Variants in SF3B3 observed in about 807,000 individuals in gnomAD.
The protein encoded by SF3B3 is SAP 130.
SF3B3 carries 33 observed loss-of-function variants against 139.2 expected under a neutral mutation model. The ratio of observed to expected loss-of-function variants is 0.24; its 90% CI spans 0.18 to 0.32. SF3B3 has a LOEUF of 0.32. Ranked by LOEUF, SF3B3 falls within the 10% of genes least tolerant of loss-of-function variation. The pLI is 1.00. For synonymous variants in SF3B3, 596 were observed against 563.6 expected (o/e 1.06, Z -0.81); for missense variants, 818 against 1,509.4 (o/e 0.54, Z 7.59).
At chr16:70,539,349 A>C (rs2050197333) in intron 8 of SF3B3, 142 bp downstream of exon 8, 1 of 651,604 alleles carries the variant, frequency 1.5e-6, no homozygotes, top group Non-Finnish European at 2.8e-6. Context: ...GGAGTTGGAG[A>C]CCAGCCTGGC....
chr16:70,534,362 G>A (rs982002710), intron 5 of SF3B3, among the ~76,000 whole-genome samples: 3 of 152,216 alleles, frequency 2.0e-5, no homozygotes, highest in African/African-American at 7.2e-5. Flanking sequence ...ATTCTAAGTA[G>A]GGAAATAATC....
Position 70,569,520 on chromosome 16 carries a change from G to T in SF3B3, c.3264+379G>T, listed in dbSNP as rs142577654. 3.3e-5 allele frequency among the ~76,000 whole-genome samples: 5 copies of T among 152,306 alleles called. No individual in the cohort carries two copies. The East Asian group carries it at 9.6e-4, about 29-fold the overall frequency. On this transcript the variant is annotated intron_variant, in intron 23 of 25. Coordinates refer to ENST00000302516, the MANE Select transcript of SF3B3 (RefSeq NM_012426.5). ...GCAAGCTTGATAAATTTAACAAAAT[G>T]ATTCTTATCGTAAGAAATGATGAAC... is the stretch of plus-strand genomic sequence containing the variant.
Position 70,528,162 on chromosome 16 carries a change from CTTTTTTTTTTT to C in SF3B3, c.71-701_71-691del, listed in dbSNP as rs760087242. 2.5e-5 allele frequency among the ~76,000 whole-genome samples: 3 copies of C among 122,340 alleles called. 1 individual carries two copies. Among genetic ancestry groups the C allele is most frequent in the Admixed American group, 1.7e-4 (2 of 11,810 alleles). The allele number at this position is 122,340 out of a possible 152,430, so 80.3% of individuals were successfully genotyped here. A position where few individuals can be genotyped will look rare whatever the true frequency, so the allele number is the denominator to read the frequency against. On this transcript the variant is annotated intron_variant, in intron 2 of 25. Transcript: ENST00000302516. ...TTATCTAAAATGATGGAGAAGTTTTCTTTTTTTTTTTTTTTTTTTTGAGACGTAGTCTTGCT... is the reference window on the plus strand; with the variant it reads ...TTATCTAAAATGATGGAGAAGTTTTCTTTTTTTTTGAGACGTAGTCTTGCT...
rs2050573733 is a variant in SF3B3, at chr16:70,575,689, C to G, written c.*3876C>G. The G allele has an allele frequency of 6.6e-6, 1 of 152,316 alleles. No individual in the cohort carries two copies. The highest frequency in any genetic ancestry group is 1.5e-5 in the Non-Finnish European group (1 of 68,116). 9.4% of individuals were successfully genotyped at this position (152,316 alleles called of 1,614,324 possible). On this transcript the variant is annotated 3_prime_UTR_variant, in exon 26 of 26. Transcript: ENST00000302516. ...CTGTGAGGTTGGTGGTGAGGTGAGTCTGCCAGAGGGCCTGCCACCAGTTTC... is the reference window on the plus strand; with the variant it reads ...CTGTGAGGTTGGTGGTGAGGTGAGTGTGCCAGAGGGCCTGCCACCAGTTTC...
chr16:70,564,124 A>C, intron 18 of SF3B3, 74 bp downstream of exon 18: 2 of 1,485,738 alleles, frequency 1.3e-6, no homozygotes, highest in Non-Finnish European at 1.8e-6. Flanking sequence ...ACTGCCCGGC[A>C]CTTTGGGAGG....
At chr16:70,549,464 A>G (rs1029946714) in intron 11 of SF3B3, among the ~76,000 whole-genome samples, 1 of 152,202 alleles carries the variant, frequency 6.6e-6, no homozygotes, top group Middle Eastern at 3.2e-3. Flanking sequence ...TGTAGTATCT[A>G]CATAGAAGTT....
chr16:70,560,293 G>C, intron 15 of SF3B3, 176 bp from the exon 16 acceptor site: 3 of 525,798 alleles, frequency 5.7e-6, no homozygotes, highest in Non-Finnish European at 9.6e-6. Context: ...ATGATTAAGT[G>C]ATTTACTGAG....
intron 2 of SF3B3, 137 bp downstream of exon 2, chr16:70,526,863 A>C (rs1306771238): frequency 1.5e-6 from 1 of 652,128 alleles, no homozygotes; most frequent in African/African-American, 1.8e-5. Context: ...TTATGAGATG[A>C]GGTGTTAAGT....
At chr16:70,532,356 C>G in intron 4 of SF3B3, 123 bp from the exon 5 acceptor site, 1 of 379,828 alleles carries the variant, frequency 2.6e-6, no homozygotes, top group Non-Finnish European at 4.0e-6. Context: ...ACCTGTCTCT[C>G]CAAAAAAAAA....
chr16:70,536,795 C>G (rs1345710867), intron 6 of SF3B3, among the ~76,000 whole-genome samples: 1 of 147,308 alleles, frequency 6.8e-6, no homozygotes, highest in African/African-American at 2.5e-5. Context: ...CCAGTCTGGG[C>G]TAATTTTCTT....
chr16:70,552,996 C>G (rs1015380858), intron 11 of SF3B3, among the ~76,000 whole-genome samples: 10 of 152,170 alleles, frequency 6.6e-5, no homozygotes, highest in African/African-American at 2.4e-4. Flanking sequence ...CTGCGGCCTC[C>G]GCCTCCCGGG....
chr16:70,556,174 T>C lies in SF3B3; in HGVS notation c.1711-5T>C. The C allele has an allele frequency of 6.2e-7, 1 of 1,614,158 alleles. No homozygotes were observed. Among genetic ancestry groups the C allele is most frequent in the Non-Finnish European group, 8.5e-7 (1 of 1,179,996 alleles). ...TTTGACCTTGCTGTGTCTTTCCTCC[T>C]GTAGTCAGGACAGCTGAATGAGTAC... On this transcript the variant is annotated splice_region_variant and splice_polypyrimidine_tract_variant and intron_variant, in intron 13 of 25. Transcript: ENST00000302516.
chr16:70,572,297 G>A lies in SF3B3; in HGVS notation c.*484G>A, dbSNP rs1057381147. 1 of 325,996 alleles carries A rather than the reference G, an allele frequency of 3.1e-6. No individual in the cohort carries two copies. The highest frequency in any genetic ancestry group is 2.2e-5 in the African/African-American group (1 of 45,096). 20.2% of individuals were successfully genotyped at this position (325,996 alleles called of 1,614,324 possible). On this transcript the variant is annotated 3_prime_UTR_variant, in exon 26 of 26. Coordinates refer to ENST00000302516, the MANE Select transcript of SF3B3 (RefSeq NM_012426.5). Reference sequence around the variant, plus strand: ...GAAATAGAAACCTAGTTTTTAAGGTGACTGGCATCCATGTGTCTTGTTCTG... The same window carrying A: ...GAAATAGAAACCTAGTTTTTAAGGTAACTGGCATCCATGTGTCTTGTTCTG...
chr16:70,541,869 T>A, intron 9 of SF3B3, 35 bp downstream of exon 9: 1 of 1,571,554 alleles, frequency 6.4e-7, no homozygotes, highest in Non-Finnish European at 8.7e-7. Flanking sequence ...CCACAATAGA[T>A]CTAAAGTTAA....
chr16:70,571,537 C>G, intron 25 of SF3B3, 136 bp from the exon 26 acceptor site: 4 of 932,530 alleles, frequency 4.3e-6, no homozygotes, highest in Non-Finnish European at 4.7e-6. Flanking sequence ...TGCACTGCAA[C>G]CCGGATGATA....
In SF3B3 at chr16:70,532,603, G is replaced by A; in HGVS notation, c.695G>A (p.Gly232Asp). Residue 232 changes from glycine (G) to aspartate (D), a missense_variant, in exon 5 of 26, where the codon GGC (glycine) becomes GAC (aspartate). Gly to Asp is a moderately conservative substitution (Grantham distance 94, BLOSUM62 -1). Transcript: ENST00000302516. ...RKYSEPLEEH[G>D]NFLITVPGGS... is the part of the protein sequence containing the mutation. ...TACAGTGAACCTTTGGAGGAACACGGCAACTTCCTTATTACAGGTACTTTT... is the reference window on the plus strand; with the variant it reads ...TACAGTGAACCTTTGGAGGAACACGACAACTTCCTTATTACAGGTACTTTT... 6.2e-7 allele frequency: 1 copy of A among 1,614,134 alleles called. No homozygotes were observed. The highest frequency in any genetic ancestry group is 8.5e-7 in the Non-Finnish European group (1 of 1,180,002).
chr16:70,560,642 C>G (rs1361115916), intron 16 of SF3B3, 51 bp downstream of exon 16: 1 of 1,593,984 alleles, frequency 6.3e-7, no homozygotes. Flanking sequence ...TTTAGTGGCA[C>G]CATCTGAGAA....
At position 70,571,963 on chromosome 16, in the gene SF3B3, T is replaced by G; in HGVS notation, c.*150T>G. ...GTCAACAGCTCTTTCCCCTCAGCTC[T>G]TCTCCTGGAATGACTGGCTTCCCCT... is the stretch of plus-strand genomic sequence containing the variant. On this transcript the variant is annotated 3_prime_UTR_variant, in exon 26 of 26. Coordinates refer to ENST00000302516, the MANE Select transcript of SF3B3 (RefSeq NM_012426.5). 3 of 944,798 alleles carry G rather than the reference T, an allele frequency of 3.2e-6. No individual in the cohort carries two copies. The highest frequency in any genetic ancestry group is 4.8e-6 in the Non-Finnish European group (3 of 625,898). The allele number at this position is 944,798 out of a possible 1,614,324, so 58.5% of individuals were successfully genotyped here. A position where few individuals can be genotyped will look rare whatever the true frequency, so the allele number is the denominator to read the frequency against.
intron 20 of SF3B3, among the ~76,000 whole-genome samples, chr16:70,566,592 TTTATG>T (rs1449688130): frequency 2.6e-5 from 4 of 152,134 alleles, no homozygotes; most frequent in Admixed American, 6.5e-5. Context: ...GATGGTAAAC[TTTATG>T]TTATGACTAT....
Sources: gnomAD v4.1 joint callset for allele counts (sites outside exome capture counted in the v4.1 genomes callset) on GRCh38, gnomAD v4.1.1 for gene constraint, MANE v1.5 for transcripts, NCBI Gene and HGNC (gene_info 2026-07-23, HGNC 2026-07-21) for gene names.